PLEKHG5: variants seen among roughly 807,000 people sequenced by gnomAD.
PLEKHG5 encodes pleckstrin homology domain-containing family G member 5.
PLEKHG5 carries 52 observed loss-of-function variants against 103.8 expected under a neutral mutation model. The ratio of observed to expected loss-of-function variants is 0.50; its 90% confidence interval spans 0.40 to 0.63. The LOEUF is 0.63. Ranked by LOEUF, PLEKHG5 falls within the 30% of genes least tolerant of loss-of-function variation. The pLI, the probability that PLEKHG5 is intolerant of heterozygous loss-of-function variation, is 0.00. For missense variants in PLEKHG5, 1,205 were observed against 1,347.6 expected (o/e 0.89, Z 1.66); for synonymous variants, 592 against 575.5 (o/e 1.03, Z -0.41).
intron 1 of PLEKHG5, chr1:6,485,371 A>G (rs1221690088): frequency 7.1e-7 from 1 of 1,418,162 alleles, no homozygotes; most frequent in Non-Finnish European, 9.2e-7. Context: ...GAGGGCTCCG[A>G]GTCCCGGAGG....
At chr1:6,483,296 A>T (rs550976130) in intron 1 of PLEKHG5, among the ~76,000 whole-genome samples, 1 of 152,284 alleles carries the variant, frequency 6.6e-6, no homozygotes, top group East Asian at 1.9e-4. Flanking sequence ...GATGACCCAG[A>T]TTCCTGAAGG....
chr1:6,489,051 G>C (rs184678319), intron 1 of PLEKHG5, among the ~76,000 whole-genome samples: 48 of 152,232 alleles, frequency 3.2e-4, no homozygotes, highest in Non-Finnish European at 5.7e-4. Context: ...AAAGGACGCA[G>C]GTCTGGGGCC....
intron 1 of PLEKHG5, among the ~76,000 whole-genome samples, chr1:6,481,764 TG>T (rs1644908781): frequency 6.6e-6 from 1 of 150,774 alleles, no homozygotes; most frequent in South Asian, 2.1e-4. Context: ...CTCAGGAGGC[TG>T]AGGCAGGAGA....
At chr1:6,478,540 GCTAAA>G in intron 1 of PLEKHG5, among the ~76,000 whole-genome samples, 1 of 152,278 alleles carries the variant, frequency 6.6e-6, no homozygotes, top group African/African-American at 2.4e-5. Flanking sequence ...TCCCTTCACA[GCTAAA>G]CTCTGTAAAC....
intron 5 of PLEKHG5, 39 bp from the exon 6 acceptor site, chr1:6,474,626 C>G (rs765334475): frequency 1.2e-6 from 2 of 1,609,970 alleles, no homozygotes; most frequent in Admixed American, 1.7e-5. Flanking sequence ...TAGAACCAGG[C>G]GGCCAGTCGC....
upstream of PLEKHG5, among the ~76,000 whole-genome samples, chr1:6,499,924 C>T (rs375185831): frequency 1.5e-4 from 23 of 152,180 alleles, 1 homozygote; most frequent in South Asian, 1.7e-3. Flanking sequence ...GTCAGCCTAC[C>T]GAGTAGCTGG....
In PLEKHG5 at chr1:6,468,183, G is replaced by C; in HGVS notation, c.2653C>G (p.Leu885Val). 2 of 1,569,708 alleles carry C rather than the reference G, an allele frequency of 1.3e-6. No homozygotes were observed. Among genetic ancestry groups the C allele is most frequent in the Non-Finnish European group, 1.7e-6 (2 of 1,155,964 alleles). Residue 885 changes from leucine to valine, a missense_variant, in exon 20 of 21, where the codon CTG (leucine) becomes GTG (valine). Leu to Val is a conservative substitution (Grantham distance 32). Transcript: ENST00000377728. ...KSKSEASLLQ[L>V]LAGAGTHGTP... is the part of the protein sequence containing the mutation. ...CCATGGGTGCCAGCCCCTGCCAGCA[G>C]CTGGAGGAGGCTGGCCTCGGACTTA...
chr1:6,477,727 C>T, intron 1 of PLEKHG5, 69 bp from the exon 2 acceptor site: 1 of 1,530,960 alleles, frequency 6.5e-7, no homozygotes, highest in Non-Finnish European at 8.7e-7. Flanking sequence ...CGGCCCAGCG[C>T]TGCAGGGACT....
intron 2 of PLEKHG5, 50 bp from the exon 3 acceptor site, chr1:6,476,086 T>C (rs1202138873): frequency 6.6e-7 from 1 of 1,513,070 alleles, no homozygotes; most frequent in South Asian, 1.1e-5. Context: ...CTCCTTAGCC[T>C]GCAGCATGGC....
chr1:6,506,828 G>C (rs931297602), intron 1 of PLEKHG5, among the ~76,000 whole-genome samples: 26 of 152,168 alleles, frequency 1.7e-4, no homozygotes, highest in African/African-American at 6.0e-4. Context: ...CTGCTCTCTG[G>C]GCTCCCTTTC....
chr1:6,486,561 A>T lies in PLEKHG5; in HGVS notation c.-88+5076T>A, dbSNP rs1645042584. ...CTTGGCAGCCCCCAGGAGCTGGGTG[A>T]GGTGGAGGCATCAGGAAACCCTGGC... On this transcript the variant is annotated intron_variant, in intron 1 of 20. Coordinates refer to ENST00000377728, the MANE Select transcript of PLEKHG5 (RefSeq NM_020631.6). This position sits in a 1 kb window ranked among gnomAD's most constrained non-coding sequence, Gnocchi z 5.3. 6.6e-6 allele frequency among the ~76,000 whole-genome samples: 1 copy of T among 152,156 alleles called. No individual in the cohort carries two copies. Among genetic ancestry groups the T allele is most frequent in the Admixed American group, 6.5e-5 (1 of 15,278 alleles).
chr1:6,472,488 G>T, intron 10 of PLEKHG5, 39 bp downstream of exon 10: 3 of 1,377,980 alleles, frequency 2.2e-6, no homozygotes, highest in Non-Finnish European at 3.1e-6. Context: ...GAAAGAGGGG[G>T]GCAGGGTGGC....
Position 6,467,633 on chromosome 1 carries a change from T to A in PLEKHG5, c.3012-61A>T, listed in dbSNP as rs895579106. On this transcript the variant is annotated intron_variant, in intron 20 of 20. Coordinates refer to ENST00000377728, the MANE Select transcript of PLEKHG5 (RefSeq NM_020631.6). ...CTGACGCCATTCAGAGTGGCTCTGG[T>A]CACCCTCTCTTCCCCACGGCACTCC... The A allele has an allele frequency of 9.6e-6, 15 of 1,568,744 alleles. No homozygotes were observed. In the Admixed American group the frequency reaches 1.0e-4, roughly 10 times the overall value.
Position 6,490,479 on chromosome 1 carries a change from T to A in PLEKHG5, c.-88+1158A>T. On this transcript the variant is annotated intron_variant, in intron 1 of 20. Transcript: ENST00000377728. This position sits in a 1 kb window ranked among gnomAD's most constrained non-coding sequence, Gnocchi z 8.0. ...GGACCAGGGTCTCCTCCCCGGTGTC[T>A]AAGGCTCTAAGGCTCGGGCCGAGAC... The A allele has an allele frequency of 1.3e-6, 1 of 744,710 alleles. No homozygotes were observed. Among genetic ancestry groups the A allele is most frequent in the Non-Finnish European group, 1.5e-6 (1 of 667,370 alleles). The allele number at this position is 744,710 out of a possible 1,614,324, so 46.1% of individuals were successfully genotyped here.
Position 6,490,741 on chromosome 1 carries a change from G to T in PLEKHG5, c.-88+896C>A. On this transcript the variant is annotated intron_variant, in intron 1 of 20. Transcript: ENST00000377728. This position sits in a 1 kb window ranked among gnomAD's most constrained non-coding sequence, Gnocchi z 8.0. ...GGAGGTGGCTGGAGGCCGGGCGGTGGCTTGGGGTAATCCAGGATCCGGGCT... is the reference window on the plus strand; with the variant it reads ...GGAGGTGGCTGGAGGCCGGGCGGTGTCTTGGGGTAATCCAGGATCCGGGCT... 3.4e-6 allele frequency: 1 copy of T among 296,662 alleles called. No individual in the cohort carries two copies. The highest frequency in any genetic ancestry group is 5.0e-6 in the Non-Finnish European group (1 of 200,490). 18.4% of individuals were successfully genotyped at this position (296,662 alleles called of 1,614,324 possible).
chr1:6,516,647 A>C (rs1638622069), intron 1 of PLEKHG5, among the ~76,000 whole-genome samples: 1 of 151,666 alleles, frequency 6.6e-6, no homozygotes, highest in Non-Finnish European at 1.5e-5. Flanking sequence ...ACACAGTGAG[A>C]CTCTGTCTCA....
chr1:6,468,446 G>C lies in PLEKHG5; in HGVS notation c.2390C>G (p.Thr797Arg), dbSNP rs111724922. 6.2e-7 allele frequency: 1 copy of C among 1,612,936 alleles called. No homozygotes were observed. The highest frequency in any genetic ancestry group is 1.7e-5 in the Admixed American group (1 of 59,996). The change falls in exon 20 of 21, where the codon ACG (threonine) becomes AGG (arginine). Residue 797 changes from threonine (T) to arginine (R), a missense_variant. By Grantham distance (71) the Thr-to-Arg change is moderately conservative (BLOSUM62 -1). Transcript: ENST00000377728. ...CAGGGGCAGCAGCTCACTGGTGGGC[G>C]TGGCAGATGAGGCAGTGGTGCTGAG... ...TSLSTTASSA[T>R]PTSELLPLGP...
chr1:6,482,360 G>A (rs1644925086), intron 1 of PLEKHG5, among the ~76,000 whole-genome samples: 1 of 152,230 alleles, frequency 6.6e-6, no homozygotes, highest in African/African-American at 2.4e-5. Context: ...TATGAATTAA[G>A]GCAGGAGAGA....
chr1:6,477,805 C>T (rs1185840595), intron 1 of PLEKHG5, 147 bp from the exon 2 acceptor site: 1 of 720,734 alleles, frequency 1.4e-6, no homozygotes, highest in African/African-American at 2.1e-5. Flanking sequence ...CCCCCTCTCC[C>T]ACATCATCAA....
Sources: allele counts gnomAD v4.1 joint callset (sites outside exome capture counted in the v4.1 genomes callset), GRCh38; gene constraint gnomAD v4.1.1; non-coding constraint Gnocchi (gnomAD v3.1); transcripts MANE v1.5; gene names NCBI Gene and HGNC (gene_info 2026-07-23, HGNC 2026-07-21).